Variants in ZRANB3 observed in about 807,000 individuals in gnomAD.
ZRANB3 encodes the protein DNA annealing helicase and endonuclease ZRANB3.
Under a neutral mutation model 133.8 loss-of-function variants are expected in ZRANB3, and 125 were observed. The ratio of observed to expected loss-of-function variants is 0.93; its 90% CI spans 0.81 to 1.08. ZRANB3 has a LOEUF of 1.08. Ranked by LOEUF, ZRANB3 falls within the 50% of genes least tolerant of loss-of-function variation. The pLI is 0.00. For missense variants in ZRANB3, 1,229 were observed against 1,275.5 expected (o/e 0.96, Z 0.56); for synonymous variants, 387 against 432.7 (o/e 0.89, Z 1.31).
At chr2:135,271,545 C>T (rs1680515333) in intron 10 of ZRANB3, 1 of 590,664 alleles carries the variant, frequency 1.7e-6, no homozygotes, top group East Asian at 3.1e-5. Context: ...AAAGTATATT[C>T]TTTCAAAGAC....
chr2:135,262,115 G>C lies in ZRANB3; in HGVS notation c.1539+3419C>G, dbSNP rs1679993964. Among the ~76,000 whole-genome samples the C allele has an allele frequency of 2.2e-5, 3 of 137,428 alleles. No individual in the cohort carries two copies. The Admixed American group carries it at 2.4e-4, about 11-fold the overall frequency. 90.2% of individuals were successfully genotyped at this position (137,428 alleles called of 152,430 possible). On this transcript the variant is annotated intron_variant, in intron 12 of 20. Transcript: ENST00000264159. ...GTGGAGGTTGCAGTGAGCCAAGATT[G>C]TGCCACTGCACTCCAGCCTGGCGAC...
At chr2:135,342,228 T>C (rs1199355346) in intron 6 of ZRANB3, among the ~76,000 whole-genome samples, 1 of 149,592 alleles carries the variant, frequency 6.7e-6, no homozygotes, top group Non-Finnish European at 1.5e-5. Context: ...TTAGGGAAAA[T>C]AGAAAAGAAC....
rs1336426149 is a variant in ZRANB3 at position 135,453,987 on chromosome 2, C to T, written c.161+50342G>A. On this transcript the variant is annotated intron_variant, in intron 2 of 20. Transcript: ENST00000264159. The stretch of plus-strand genomic sequence containing the variant: ...AAGAGGTTTAATTGGACTTACGGTT[C>T]CACATGACTGGGGAGGCCTCAGAAT... Among the ~76,000 whole-genome samples, 5 of 152,174 alleles carry T rather than the reference C, an allele frequency of 3.3e-5. No homozygotes were observed. In the East Asian group the frequency reaches 5.8e-4, roughly 18 times the overall value.
At position 135,496,404 on chromosome 2, in the gene ZRANB3, A is replaced by C. The variant is rs58905052; in HGVS notation, c.161+7925T>G. 8.0e-5 allele frequency among the ~76,000 whole-genome samples: 12 copies of C among 150,434 alleles called. No homozygotes were observed. In the East Asian group the frequency reaches 2.1e-3, roughly 27 times the overall value. On this transcript the variant is annotated intron_variant, in intron 2 of 20. Transcript: ENST00000264159. ...CATCTTAAAAAAAAAAAAAAAAAAAAAAAAAAAACGAAATCCGCAGATTAA... is the reference window on the plus strand; with the variant it reads ...CATCTTAAAAAAAAAAAAAAAAAAACAAAAAAAACGAAATCCGCAGATTAA...
intron 8 of ZRANB3, among the ~76,000 whole-genome samples, chr2:135,311,828 A>T (rs1682991449): frequency 6.6e-6 from 1 of 152,202 alleles, no homozygotes; most frequent in African/African-American, 2.4e-5. Flanking sequence ...AAGTAATAAC[A>T]TATACAACAA....
chr2:135,517,287 C>T (rs59870540), intron 1 of ZRANB3, among the ~76,000 whole-genome samples: 6,721 of 152,084 alleles, frequency 0.044, 496 homozygotes, highest in African/African-American at 0.15. Flanking sequence ...ATTCATCAAA[C>T]TCATTCTCCG....
At chr2:135,232,995 G>A (rs574809216) in intron 12 of ZRANB3, among the ~76,000 whole-genome samples, 49 of 152,252 alleles carry the variant, frequency 3.2e-4, no homozygotes, top group African/African-American at 1.1e-3. Context: ...AAACTATTCC[G>A]AGCTAAAGGA....
intron 2 of ZRANB3, among the ~76,000 whole-genome samples, chr2:135,501,404 T>C (rs1291624231): frequency 6.6e-6 from 1 of 152,084 alleles, no homozygotes; most frequent in African/African-American, 2.4e-5. Context: ...AATAGCACTA[T>C]TATTCTTTGT....
At position 135,253,362 on chromosome 2, in the gene ZRANB3, G is replaced by A. The variant is rs1350593415; in HGVS notation, c.1539+12172C>T. Among the ~76,000 whole-genome samples, 3 of 152,140 alleles carry A rather than the reference G, an allele frequency of 2.0e-5. No homozygotes were observed. In the East Asian group the frequency reaches 5.8e-4, roughly 29 times the overall value. ...CCAAGTTCTCAGGCTCTAAAAATCA[G>A]GGGGAGAAAGCCTGGACAGGGAGTG... is the stretch of plus-strand genomic sequence containing the variant. On this transcript the variant is annotated intron_variant, in intron 12 of 20. Transcript: ENST00000264159.
chr2:135,514,423 C>A (rs972704259), intron 1 of ZRANB3, among the ~76,000 whole-genome samples: 1 of 152,144 alleles, frequency 6.6e-6, no homozygotes, highest in African/African-American at 2.4e-5. Flanking sequence ...AGAGTTCATA[C>A]ATGTTTTGGC....
chr2:135,502,522 C>T (rs541521576), intron 2 of ZRANB3, among the ~76,000 whole-genome samples: 5 of 152,218 alleles, frequency 3.3e-5, no homozygotes, highest in Non-Finnish European at 5.9e-5. Flanking sequence ...TCATAGTTAA[C>T]GAATCTGAAG....
intron 2 of ZRANB3, among the ~76,000 whole-genome samples, chr2:135,433,399 C>T (rs1279452368): frequency 2.0e-5 from 3 of 151,830 alleles, no homozygotes; most frequent in Non-Finnish European, 4.4e-5. Flanking sequence ...AAAAACAAAA[C>T]AAAACAAAAA....
At chr2:135,373,960 GC>G (rs1254294134) in intron 3 of ZRANB3, among the ~76,000 whole-genome samples, 1 of 152,028 alleles carries the variant, frequency 6.6e-6, no homozygotes, top group African/African-American at 2.4e-5. Flanking sequence ...TATTATTATT[GC>G]CTACTTTAAA....
chr2:135,304,451 A>G (rs1050336560), intron 8 of ZRANB3, among the ~76,000 whole-genome samples: 2 of 152,184 alleles, frequency 1.3e-5, no homozygotes, highest in African/African-American at 4.8e-5. Flanking sequence ...TGGTGGATTC[A>G]ATTTGCTAAT....
chr2:135,397,864 T>C (rs377181049), intron 2 of ZRANB3, among the ~76,000 whole-genome samples: 1 of 152,054 alleles, frequency 6.6e-6, no homozygotes, highest in South Asian at 2.1e-4. Flanking sequence ...CCCTTTCCCT[T>C]ACCTCTCCTC....
At chr2:135,407,078 G>A (rs1479453317) in intron 2 of ZRANB3, among the ~76,000 whole-genome samples, 10 of 152,206 alleles carry the variant, frequency 6.6e-5, no homozygotes, top group East Asian at 3.9e-4. Flanking sequence ...AAACCCCATC[G>A]TCTCAGCCCA....
chr2:135,373,288 A>G (rs1364199714), intron 3 of ZRANB3, among the ~76,000 whole-genome samples: 1 of 152,182 alleles, frequency 6.6e-6, no homozygotes, highest in East Asian at 1.9e-4. Flanking sequence ...AAAACCAGAC[A>G]AGTACGGTAG....
chr2:135,456,907 G>A (rs1334349177), intron 2 of ZRANB3, among the ~76,000 whole-genome samples: 2 of 152,180 alleles, frequency 1.3e-5, no homozygotes, highest in African/African-American at 2.4e-5. Context: ...TGTAGGAGGG[G>A]CAGGATTGAC....
intron 1 of ZRANB3, among the ~76,000 whole-genome samples, chr2:135,519,556 C>T (rs915325989): frequency 2.6e-5 from 4 of 152,224 alleles, no homozygotes; most frequent in African/African-American, 7.2e-5. Context: ...TTTTATCACA[C>T]GAATGCTCCA....
Sources: gnomAD v4.1 joint callset for allele counts (sites outside exome capture counted in the v4.1 genomes callset) on GRCh38, gnomAD v4.1.1 for gene constraint, MANE v1.5 for transcripts, NCBI Gene and HGNC (gene_info 2026-07-23, HGNC 2026-07-21) for gene names.